Variants in ZNF782 observed in about 807,000 individuals in gnomAD.
ZNF782 encodes the protein zinc finger protein 782.
ZNF782 carries 12 observed loss-of-function variants against 13.0 expected under a neutral mutation model. The observed-to-expected ratio is 0.92, with a 90% CI of 0.59 to 1.50. ZNF782 has a LOEUF of 1.50. Among genes scored for constraint, ZNF782 ranks in the 40% most tolerant of loss-of-function variants. The pLI, the probability that ZNF782 is intolerant of heterozygous loss-of-function variation, is 0.00. For synonymous variants in ZNF782, 284 were observed against 283.0 expected, an observed-to-expected ratio of 1.00 and a Z score of -0.04; for missense variants, 770 against 822.9, an observed-to-expected ratio of 0.94 and a Z score of 0.79.
the ZNF782 span, among the ~76,000 whole-genome samples, chr9:96,897,332 TGC>T: frequency 6.6e-6 from 1 of 152,170 alleles, no homozygotes; most frequent in Non-Finnish European, 1.5e-5. Flanking sequence ...CTCCCACAAG[TGC>T]CACCAACAGG....
intron 5 of ZNF782, among the ~76,000 whole-genome samples, chr9:96,823,624 G>A (rs959543060): frequency 1.3e-5 from 2 of 152,096 alleles, no homozygotes; most frequent in African/African-American, 2.4e-5. Flanking sequence ...CCAAGATTAC[G>A]CTATAGAGGT....
At chr9:96,902,719 TATTTTA>T in the ZNF782 span, among the ~76,000 whole-genome samples, 43 of 145,138 alleles carry the variant, frequency 3.0e-4, no homozygotes, top group African/African-American at 8.1e-4. Context: ...TTATTTTATA[TATTTTA>T]ATTTTAAGTT....
rs867794937 is a variant in ZNF782 at position 96,819,500 on chromosome 9, T to C, written c.523A>G (p.Ile175Val). 6.2e-7 allele frequency: 1 copy of C among 1,613,668 alleles called. No individual in the cohort carries two copies. The highest frequency in any genetic ancestry group is 1.7e-4 in the Middle Eastern group (1 of 6,060). The change falls in exon 6 of 6, where the codon ATT becomes GTT. Residue 175 changes from isoleucine (I) to valine (V), a missense_variant. Ile to Val is a conservative substitution (Grantham distance 29). Transcript: ENST00000481138. ...RNVCDKWLISIKDGRTNTQEK... is the reference protein window; with the variant it reads ...RNVCDKWLISVKDGRTNTQEK... ...TGAGTGTTAGTTCTGCCATCCTTAA[T>C]ACTGATGAGCCATTTGTCACAAACA...
chr9:96,840,197 C>T (rs540229675), intron 4 of ZNF782, among the ~76,000 whole-genome samples: 42 of 152,220 alleles, frequency 2.8e-4, no homozygotes, highest in African/African-American at 1.0e-3. Flanking sequence ...TGGTCCACTT[C>T]CACATCTTGT....
upstream of ZNF782, among the ~76,000 whole-genome samples, chr9:96,879,579 G>A (rs1851938106): frequency 6.6e-6 from 1 of 152,202 alleles, no homozygotes; most frequent in Admixed American, 6.5e-5. Flanking sequence ...CCTGGGCAGA[G>A]TTGGTGAGAC....
At chr9:96,883,151 C>T in the ZNF782 span, among the ~76,000 whole-genome samples, 9 of 152,152 alleles carry the variant, frequency 5.9e-5, no homozygotes, top group African/African-American at 1.9e-4. Context: ...AAACTAAACA[C>T]GAAACACCAA....
Position 96,845,106 on chromosome 9 carries a change from A to G in ZNF782, c.16-90T>C, listed in dbSNP as rs1003588073. On this transcript the variant is annotated intron_variant, in intron 3 of 5. Coordinates refer to ENST00000481138, the MANE Select transcript of ZNF782 (RefSeq NM_001001662.3). ...AACTAACTCATTATGTTTACTGTTG[A>G]GAATTTAAAACAAAATGCTATAAGG... 9 of 1,513,952 alleles carry G rather than the reference A, an allele frequency of 5.9e-6. No individual in the cohort carries two copies. The African/African-American group carries it at 1.2e-4, about 21-fold the overall frequency. The allele number at this position is 1,513,952 out of a possible 1,614,324, so 93.8% of individuals were successfully genotyped here.
chr9:96,839,032 CTG>C, intron 4 of ZNF782, among the ~76,000 whole-genome samples: 1 of 152,116 alleles, frequency 6.6e-6, no homozygotes, highest in East Asian at 1.9e-4. Context: ...CAACTTTTTA[CTG>C]TCAGTTGGTA....
chr9:96,856,901 T>C (rs1350294588), upstream of ZNF782, among the ~76,000 whole-genome samples: 1 of 152,220 alleles, frequency 6.6e-6, no homozygotes, highest in East Asian at 1.9e-4. Context: ...CCATTCTTTA[T>C]ACACGTGCAT....
At chr9:96,856,094 G>A (rs1253058647), upstream of ZNF782, among the ~76,000 whole-genome samples, 1 of 151,630 alleles carries the variant, frequency 6.6e-6, no homozygotes, top group African/African-American at 2.4e-5. Context: ...GGGATTGTTT[G>A]TTTTTTTTCT....
At chr9:96,901,830 G>A in the ZNF782 span, among the ~76,000 whole-genome samples, 2 of 131,012 alleles carry the variant, frequency 1.5e-5, no homozygotes, top group African/African-American at 5.9e-5. Context: ...CAGTGACCAA[G>A]ATCGCGCCAT....
At chr9:96,845,395 T>C (rs2118736925) in intron 3 of ZNF782, among the ~76,000 whole-genome samples, 1 of 152,268 alleles carries the variant, frequency 6.6e-6, no homozygotes, top group Non-Finnish European at 1.5e-5. Context: ...CCCAAGTAGC[T>C]GGAATTACAG....
the ZNF782 span, chr9:96,895,328 A>G: frequency 6.6e-6 from 1 of 152,240 alleles, no homozygotes; most frequent in Non-Finnish European, 1.5e-5. Flanking sequence ...CATAGTATCC[A>G]TAGAAATAAA....
upstream of ZNF782, among the ~76,000 whole-genome samples, chr9:96,877,003 A>G (rs1314860400): frequency 6.6e-6 from 1 of 151,514 alleles, no homozygotes; most frequent in Non-Finnish European, 1.5e-5. Context: ...AAGAAAAAAA[A>G]ATGGCTATCA....
chr9:96,859,740 C>T (rs952812399), intron 3 of ZNF782, among the ~76,000 whole-genome samples: 5 of 152,212 alleles, frequency 3.3e-5, no homozygotes, highest in Non-Finnish European at 7.4e-5. Context: ...TGAGAAAAGC[C>T]GAAGGCAGAG....
chr9:96,912,469 G>A, the ZNF782 span, among the ~76,000 whole-genome samples: 1,466 of 136,982 alleles, frequency 0.011, 16 homozygotes, highest in African/African-American at 0.038. Context: ...ACTCCAGCCC[G>A]GGCGACAGAG....
the ZNF782 span, among the ~76,000 whole-genome samples, chr9:96,925,457 G>A: frequency 6.6e-6 from 1 of 152,060 alleles, no homozygotes; most frequent in African/African-American, 2.4e-5. Context: ...GGCCAATATG[G>A]TGCAATCCCG....
chr9:96,923,169 C>G, the ZNF782 span, among the ~76,000 whole-genome samples: 1 of 148,950 alleles, frequency 6.7e-6, no homozygotes, highest in Non-Finnish European at 1.5e-5. Context: ...ACTGCCATGC[C>G]CTTGAACACA....
chr9:96,886,932 A>C, the ZNF782 span, among the ~76,000 whole-genome samples: 1 of 151,232 alleles, frequency 6.6e-6, no homozygotes, highest in Non-Finnish European at 1.5e-5. Flanking sequence ...GAAAAAAAAA[A>C]AAAAAACTAT....
Sources: gnomAD v4.1 joint callset for allele counts (sites outside exome capture counted in the v4.1 genomes callset) on GRCh38, gnomAD v4.1.1 for gene constraint, MANE v1.5 for transcripts, NCBI Gene and HGNC (gene_info 2026-07-23, HGNC 2026-07-21) for gene names.